Variants in FRYL observed in about 807,000 individuals in gnomAD.
FRYL encodes the protein protein furry homolog-like.
Under a neutral mutation model 351.2 loss-of-function variants are expected in FRYL, and 150 were observed. That is an observed-to-expected ratio of 0.43 (90% CI 0.37 to 0.49). FRYL has a LOEUF of 0.49. FRYL is among the 20% of genes least tolerant of loss of function. The probability of loss-of-function intolerance (pLI) is 0.00; values close to 1 mark genes in which losing one functional copy is unlikely to be tolerated. For synonymous variants in FRYL, 1,153 were observed against 1,257.1 expected, an observed-to-expected ratio of 0.92 and a Z score of 1.75; for missense variants, 3,036 against 3,619.3, an observed-to-expected ratio of 0.84 and a Z score of 4.13.
chr4:48,778,465 G>C (rs1398787222), intron 1 of FRYL, among the ~76,000 whole-genome samples: 1 of 152,106 alleles, frequency 6.6e-6, no homozygotes, highest in Non-Finnish European at 1.5e-5. Context: ...GCAGAAAAAA[G>C]ACCAGAGAAT....
intron 3 of FRYL, among the ~76,000 whole-genome samples, chr4:48,667,654 T>C (rs766102345): frequency 2.0e-5 from 3 of 152,024 alleles, no homozygotes; most frequent in Non-Finnish European, 4.4e-5. Context: ...AAGCTTCCAT[T>C]CTTTTTTTTT....
At chr4:48,545,401 CT>C (rs1453106893) in intron 42 of FRYL, among the ~76,000 whole-genome samples, 3 of 152,096 alleles carry the variant, frequency 2.0e-5, no homozygotes, top group Non-Finnish European at 2.9e-5. Flanking sequence ...CCCTGAGAAC[CT>C]GCTACGCACT....
intron 3 of FRYL, among the ~76,000 whole-genome samples, chr4:48,642,722 A>G (rs558214811): frequency 1.3e-5 from 2 of 152,172 alleles, no homozygotes; most frequent in East Asian, 3.9e-4. Flanking sequence ...CAAATAATCC[A>G]TTATTCACTC....
chr4:48,777,437 T>TAA (rs1776137685), intron 1 of FRYL, among the ~76,000 whole-genome samples: 1 of 152,182 alleles, frequency 6.6e-6, no homozygotes, highest in African/African-American at 2.4e-5. Flanking sequence ...AGACCTAAAA[T>TAA]AAGACATTTA....
chr4:48,632,282 T>C (rs1266819354), intron 4 of FRYL, among the ~76,000 whole-genome samples: 2 of 149,540 alleles, frequency 1.3e-5, no homozygotes, highest in African/African-American at 4.9e-5. Context: ...AGGTGATGGG[T>C]CCTAAGTGTT....
chr4:48,581,607 T>C lies in FRYL; in HGVS notation c.1987-2A>G. ...AGAAGCTCCATTAGCTACACCATGC[T>C]TGAAAAACAGAAGTTAAAAACAAAA... On this transcript the variant is annotated splice_acceptor_variant, in intron 20 of 63. Coordinates refer to ENST00000358350, the MANE Select transcript of FRYL (RefSeq NM_015030.2). LOFTEE classifies it high-confidence loss of function. 1 of 1,579,644 alleles carries C rather than the reference T, an allele frequency of 6.3e-7. No individual in the cohort carries two copies. Among genetic ancestry groups the C allele is most frequent in the East Asian group, 2.3e-5 (1 of 44,372 alleles).
At chr4:48,772,198 T>C (rs1292156562) in intron 1 of FRYL, among the ~76,000 whole-genome samples, 1 of 152,228 alleles carries the variant, frequency 6.6e-6, no homozygotes, top group Non-Finnish European at 1.5e-5. Context: ...TTTTTTGTAA[T>C]TGTTTCCATT....
chr4:48,716,868 A>C (rs1344132889), intron 1 of FRYL, among the ~76,000 whole-genome samples: 2 of 151,272 alleles, frequency 1.3e-5, no homozygotes, highest in African/African-American at 4.8e-5. Context: ...ACTTGGAACC[A>C]ACCCAAATGT....
At chr4:48,745,299 C>A (rs1772543320) in intron 1 of FRYL, among the ~76,000 whole-genome samples, 1 of 152,162 alleles carries the variant, frequency 6.6e-6, no homozygotes, top group Non-Finnish European at 1.5e-5. Flanking sequence ...AAGACACATG[C>A]ACACGTATGT....
intron 1 of FRYL, among the ~76,000 whole-genome samples, chr4:48,763,944 G>A (rs375812596): frequency 3.3e-5 from 5 of 152,078 alleles, no homozygotes; most frequent in Non-Finnish European, 5.9e-5. Flanking sequence ...TGAGGCGGGC[G>A]GCTCACCTGA....
In FRYL at chr4:48,521,208, C is replaced by T. The variant is rs1239035177; in HGVS notation, c.7529G>A (p.Ser2510Asn). ...QILSRTQMLN[S>N]DSATDETIPD... is the part of the protein sequence containing the mutation. ...TATTGTTTCATCAGTGGCAGAATCA[C>T]TGTTTAACTAAAAAGAGAAAGAGTA... The change falls in exon 55 of 64, where the codon AGT becomes AAT. Residue 2510 changes from serine (S) to asparagine (N), a missense_variant. Transcript: ENST00000358350. The T allele has an allele frequency of 6.2e-7, 1 of 1,601,704 alleles. No homozygotes were observed. The highest frequency in any genetic ancestry group is 8.5e-7 in the Non-Finnish European group (1 of 1,173,518).
chr4:48,709,166 C>T (rs1934585313), intron 2 of FRYL, among the ~76,000 whole-genome samples: 1 of 151,990 alleles, frequency 6.6e-6, no homozygotes, highest in African/African-American at 2.4e-5. Flanking sequence ...GTGATCTGCC[C>T]GCCTCGGCTT....
At chr4:48,620,815 A>G in intron 5 of FRYL, 37 bp from the exon 6 acceptor site, 1 of 1,571,934 alleles carries the variant, frequency 6.4e-7, no homozygotes, top group East Asian at 2.3e-5. Context: ...ATAAATTGTA[A>G]CACTGAATGT....
At chr4:48,603,005 T>C (rs974514810) in intron 12 of FRYL, among the ~76,000 whole-genome samples, 1 of 152,176 alleles carries the variant, frequency 6.6e-6, no homozygotes, top group Non-Finnish European at 1.5e-5. Context: ...CACAATGAAA[T>C]AGCCTAACGA....
intron 22 of FRYL, 120 bp from the exon 23 acceptor site, chr4:48,579,361 T>A (rs749364725): frequency 2.4e-5 from 19 of 781,224 alleles, no homozygotes; most frequent in Non-Finnish European, 3.2e-5. Context: ...TAATATAAAG[T>A]CCATGGTAGG....
chr4:48,556,991 C>T lies in FRYL; in HGVS notation c.4253G>A (p.Ser1418Asn). The T allele has an allele frequency of 2.5e-6, 4 of 1,594,272 alleles. No homozygotes were observed. The highest frequency in any genetic ancestry group is 1.1e-5 in the South Asian group (1 of 88,300). Residue 1418 changes from serine (S) to asparagine (N), a missense_variant, in exon 35 of 64, where the codon AGC becomes AAC. Around this residue, in one of 7 missense-constraint regions of FRYL, gnomAD observed 1,987 missense variants for 2,311.7 expected, o/e 0.86. Coordinates refer to ENST00000358350, the MANE Select transcript of FRYL (RefSeq NM_015030.2). ...ISICGVNSEP[S>N]LLPYVKKVIV... ...TTGAATACATACGTAAGGCAAGAGG[C>T]TTGGTTCGCTATTCACCCCACAAAT...
chr4:48,516,715 T>G (rs1723697820), intron 55 of FRYL, among the ~76,000 whole-genome samples: 1 of 152,156 alleles, frequency 6.6e-6, no homozygotes, highest in Non-Finnish European at 1.5e-5. Flanking sequence ...TATAAATAAT[T>G]CCTAACTGCA....
intron 32 of FRYL, among the ~76,000 whole-genome samples, chr4:48,561,868 T>C (rs1427769198): frequency 6.6e-6 from 1 of 151,952 alleles, no homozygotes; most frequent in Non-Finnish European, 1.5e-5. Flanking sequence ...ATTAAAAAAT[T>C]AGCCAGATGT....
At chr4:48,625,979 A>T (rs1751718353) in intron 4 of FRYL, among the ~76,000 whole-genome samples, 2 of 152,028 alleles carry the variant, frequency 1.3e-5, no homozygotes, top group African/African-American at 4.8e-5. Flanking sequence ...CTTCATTTTC[A>T]TTTTCTGAGT....
Sources: gnomAD v4.1 joint callset for allele counts (sites outside exome capture counted in the v4.1 genomes callset) on GRCh38, gnomAD v4.1.1 for gene constraint, gnomAD v4.1.1 regional missense constraint, MANE v1.5 for transcripts, NCBI Gene and HGNC (gene_info 2026-07-23, HGNC 2026-07-21) for gene names.